Variants in HDX observed in about 807,000 individuals in gnomAD.
HDX encodes chromosome X open reading frame 43.
In HDX, 19 loss-of-function variants were observed where a neutral mutation model predicts 45.2. That is an observed-to-expected ratio of 0.42 (90% confidence interval 0.29 to 0.62). The LOEUF (loss-of-function observed/expected upper bound fraction) is 0.62. Among genes scored for constraint, HDX ranks in the 20% least tolerant of loss-of-function variants. The pLI is 0.20. For missense variants in HDX, 532 were observed against 493.9 expected (o/e 1.08, Z -0.73); for synonymous variants, 188 against 172.8 (o/e 1.09, Z -0.69).
chrX:84,481,096 G>A (rs1207953332), intron 2 of HDX, among the ~76,000 whole-genome samples: 1 of 111,219 alleles, frequency 9.0e-6, no homozygotes, highest in Non-Finnish European at 1.9e-5. Context: ...TTTCATCTAA[G>A]TTGTTGAACT....
intron 4 of HDX, among the ~76,000 whole-genome samples, chrX:84,466,887 G>A (rs1221118881): frequency 9.0e-6 from 1 of 111,635 alleles, no homozygotes; most frequent in Non-Finnish European, 1.9e-5. Context: ...TCATCATGAA[G>A]ATTAAATGAG....
chrX:84,436,087 A>C (rs2039624641), intron 5 of HDX, among the ~76,000 whole-genome samples: 1 of 88,818 alleles, frequency 1.1e-5, no homozygotes. Flanking sequence ...ACCATGGAAT[A>C]CTATGCAGCC....
chrX:84,401,492 C>G (rs1438073934), intron 5 of HDX, among the ~76,000 whole-genome samples: 2 of 111,925 alleles, frequency 1.8e-5, no homozygotes, highest in African/African-American at 6.5e-5. Flanking sequence ...AAATGCAAAT[C>G]AAAACCACAA....
At chrX:84,389,344 C>T (rs1245431719) in intron 5 of HDX, among the ~76,000 whole-genome samples, 1 of 111,734 alleles carries the variant, frequency 8.9e-6, no homozygotes, top group Non-Finnish European at 1.9e-5. Context: ...GTGGCCACAC[C>T]CTTTCTGGAC....
chrX:84,331,743 C>A (rs1437005199), intron 9 of HDX, among the ~76,000 whole-genome samples: 1 of 111,612 alleles, frequency 9.0e-6, no homozygotes, highest in Non-Finnish European at 1.9e-5. Context: ...ATTAACTTTT[C>A]TATGGATAGA....
At chrX:84,343,994 A>C (rs1037574274) in intron 7 of HDX, among the ~76,000 whole-genome samples, 6 of 111,571 alleles carry the variant, frequency 5.4e-5, no homozygotes, top group African/African-American at 1.9e-4. Context: ...AAAATCATTT[A>C]CTTAATTATA....
chrX:84,325,203 GA>G lies in HDX; in HGVS notation c.1947+974del, dbSNP rs909874520. Reference sequence around the variant, plus strand: ...AAAATATATAAAGGCTATTTCTTGGGAAAAAAAGGGAGGCTTATGGAATGTT... The same window carrying G: ...AAAATATATAAAGGCTATTTCTTGGGAAAAAAGGGAGGCTTATGGAATGTT... On this transcript the variant is annotated intron_variant, in intron 10 of 10. Transcript: ENST00000373177. 3.6e-4 allele frequency among the ~76,000 whole-genome samples: 40 copies of G among 110,282 alleles called. 1 individual carries two copies. The highest frequency in any genetic ancestry group is 1.2e-3 in the African/African-American group (36 of 30,496).
chrX:84,421,643 AAAAAAC>A (rs2039255406), intron 5 of HDX, among the ~76,000 whole-genome samples: 2 of 110,258 alleles, frequency 1.8e-5, no homozygotes, highest in African/African-American at 6.6e-5. Flanking sequence ...ATTAAAAAAA[AAAAAAC>A]CATTGATCTG....
chrX:84,432,251 T>C (rs2039521744), intron 5 of HDX, among the ~76,000 whole-genome samples: 1 of 111,894 alleles, frequency 8.9e-6, no homozygotes, highest in Non-Finnish European at 1.9e-5. Flanking sequence ...TCTAGTATAG[T>C]TTCAAGTCAA....
chrX:84,341,106 G>C (rs1021951386), intron 7 of HDX, among the ~76,000 whole-genome samples: 1 of 110,590 alleles, frequency 9.0e-6, no homozygotes, highest in Middle Eastern at 4.6e-3. Flanking sequence ...TACTTTCTCT[G>C]AATATTTTCT....
At chrX:84,408,499 G>GGTTTTT (rs1477513353) in intron 5 of HDX, among the ~76,000 whole-genome samples, 1 of 44,444 alleles carries the variant, frequency 2.3e-5, no homozygotes, top group Non-Finnish European at 3.9e-5. Flanking sequence ...CTCCAGCTTT[G>GGTTTTT]TTTTTTTTTT....
intron 10 of HDX, among the ~76,000 whole-genome samples, chrX:84,323,146 G>A (rs2036632899): frequency 9.0e-6 from 1 of 111,051 alleles, no homozygotes; most frequent in African/African-American, 3.3e-5. Context: ...CTATGTAAGG[G>A]AAGACTAACC....
Position 84,469,528 on chromosome X carries a change from T to C in HDX, c.195A>G (p.Glu65=), listed in dbSNP as rs1448189346. 1 of 1,204,731 alleles carries C rather than the reference T, an allele frequency of 8.3e-7. No individual in the cohort carries two copies. Among genetic ancestry groups the C allele is most frequent in the Non-Finnish European group, 1.1e-6 (1 of 891,036 alleles). The change falls in exon 4 of 11, where the codon GAA becomes GAG. Residue 65 remains glutamate, a synonymous_variant. Transcript: ENST00000373177. ...KRRKMSSKNS[E]SGTATTGTSL... ...AGGTTCCTGTTGTTGCTGTTCCAGATTCAGAGTTCTTACTACTCATCTTTC... is the reference window on the plus strand; with the variant it reads ...AGGTTCCTGTTGTTGCTGTTCCAGACTCAGAGTTCTTACTACTCATCTTTC...
chrX:84,410,881 T>C (rs1156661703), intron 5 of HDX, among the ~76,000 whole-genome samples: 3 of 111,836 alleles, frequency 2.7e-5, no homozygotes, highest in Non-Finnish European at 5.6e-5. Flanking sequence ...ATTTTCTTTC[T>C]GATTAAATCT....
intron 5 of HDX, among the ~76,000 whole-genome samples, chrX:84,367,506 T>C (rs1004728041): frequency 8.9e-6 from 1 of 112,281 alleles, no homozygotes; most frequent in African/African-American, 3.2e-5. Flanking sequence ...ACTGGGTATA[T>C]ACCCAAAGAA....
intron 5 of HDX, among the ~76,000 whole-genome samples, chrX:84,390,454 G>C (rs1399150022): frequency 1.8e-5 from 2 of 111,377 alleles, no homozygotes; most frequent in African/African-American, 3.3e-5. Flanking sequence ...AATTTGCTTA[G>C]CTTTTAGCTA....
chrX:84,453,187 A>G (rs1339647429), intron 4 of HDX, among the ~76,000 whole-genome samples: 1 of 112,387 alleles, frequency 8.9e-6, no homozygotes, highest in African/African-American at 3.2e-5. Context: ...AGAAGGAACA[A>G]TTGTCCTCCG....
chrX:84,373,396 C>T (rs1474856150), intron 5 of HDX, among the ~76,000 whole-genome samples: 1 of 111,007 alleles, frequency 9.0e-6, no homozygotes, highest in African/African-American at 3.3e-5. Flanking sequence ...GGAATCCTCC[C>T]TAACTCATTT....
chrX:84,369,023 A>G (rs1056269892), intron 5 of HDX, among the ~76,000 whole-genome samples: 1 of 110,230 alleles, frequency 9.1e-6, no homozygotes, highest in Non-Finnish European at 1.9e-5. Context: ...TGCTGTGTGG[A>G]CTCGTACCAG....
Sources: gnomAD v4.1 joint callset for allele counts (sites outside exome capture counted in the v4.1 genomes callset) on GRCh38, gnomAD v4.1.1 for gene constraint, MANE v1.5 for transcripts, NCBI Gene and HGNC (gene_info 2026-07-23, HGNC 2026-07-21) for gene names.